The following PIK3R6 variants were observed in gnomAD, a reference collection of about 807,000 sequenced individuals.
PIK3R6 encodes phosphoinositide-3-kinase regulatory subunit 6.
In PIK3R6, 91 loss-of-function variants were observed where a neutral mutation model predicts 84.9. The observed-to-expected ratio is 1.07, with a 90% CI of 0.90 to 1.28. The LOEUF (loss-of-function observed/expected upper bound fraction) is 1.28. PIK3R6 is among the 50% of genes most tolerant of loss of function. The pLI is 0.00. For synonymous variants in PIK3R6, 416 were observed against 411.4 expected (o/e 1.01, Z -0.13); for missense variants, 996 against 985.1 (o/e 1.01, Z -0.15).
intron 1 of PIK3R6, among the ~76,000 whole-genome samples, chr17:8,860,466 A>G (rs998311218): frequency 3.8e-4 from 1 of 2,632 alleles, no homozygotes; most frequent in African/African-American, 2.1e-3. Context: ...CCCCTTCCCC[A>G]CCCAGTAAAC....
In PIK3R6 at chr17:8,829,815, G is replaced by T. The variant is rs1431344397; in HGVS notation, c.803-23C>A. 4 of 1,540,598 alleles carry T rather than the reference G, an allele frequency of 2.6e-6. No homozygotes were observed. In the African/African-American group the frequency reaches 5.5e-5, roughly 21 times the overall value. On this transcript the variant is annotated intron_variant, in intron 9 of 19. Transcript: ENST00000619866. ...CACCTGCAGAAAGGAGCAGGCTGTG[G>T]AGGCCATGGAGGAGGCCATGGGACC...
At chr17:8,860,573 A>G (rs2089256433) in intron 1 of PIK3R6, among the ~76,000 whole-genome samples, 1 of 151,810 alleles carries the variant, frequency 6.6e-6, no homozygotes, top group Non-Finnish European at 1.5e-5. Context: ...CTGGCCCATC[A>G]GTTTCCTTCC....
chr17:8,837,238 G>A (rs779120644), intron 5 of PIK3R6, among the ~76,000 whole-genome samples: 8 of 152,198 alleles, frequency 5.3e-5, no homozygotes, highest in South Asian at 2.1e-4. Context: ...ACATTCCTGC[G>A]GTTCTCCAGG....
chr17:8,821,693 A>G (rs2087737578), intron 17 of PIK3R6, among the ~76,000 whole-genome samples, 153 bp downstream of exon 17: 1 of 152,192 alleles, frequency 6.6e-6, no homozygotes, highest in Non-Finnish European at 1.5e-5. Flanking sequence ...GTGACCCGAC[A>G]GCAAGCAACT....
intron 8 of PIK3R6, among the ~76,000 whole-genome samples, chr17:8,833,813 TA>T (rs1418843956): frequency 6.6e-6 from 1 of 151,934 alleles, no homozygotes; most frequent in Non-Finnish European, 1.5e-5. Context: ...GTGTTGGGAT[TA>T]CAGGCGTGAA....
At chr17:8,856,051 A>T (rs2089132052) in intron 1 of PIK3R6, among the ~76,000 whole-genome samples, 1 of 152,248 alleles carries the variant, frequency 6.6e-6, no homozygotes, top group African/African-American at 2.4e-5. Flanking sequence ...TGCTGAGTAA[A>T]GGCAGCCAGG....
At position 8,803,081 on chromosome 17, in the gene PIK3R6, C is replaced by T. The variant is rs544564051; in HGVS notation, c.*192G>A. The T allele has an allele frequency of 1.9e-4, 122 of 629,964 alleles. No individual in the cohort carries two copies. The highest frequency in any genetic ancestry group is 8.9e-4 in the Middle Eastern group (2 of 2,256). 39.0% of individuals were successfully genotyped at this position (629,964 alleles called of 1,614,324 possible). A position where few individuals can be genotyped will look rare whatever the true frequency, so the allele number is the denominator to read the frequency against. Reference sequence around the variant, plus strand: ...CAGCGACAGCATTGCCTGGGCCATCCGTAGACCTCCATGTGGGCCCTTCCT... The same window carrying T: ...CAGCGACAGCATTGCCTGGGCCATCTGTAGACCTCCATGTGGGCCCTTCCT... On this transcript the variant is annotated 3_prime_UTR_variant, in exon 20 of 20. Transcript: ENST00000619866. The surrounding 1 kb of genome is among the most constrained non-coding windows in gnomAD (Gnocchi z 5.0).
At chr17:8,828,541 C>T (rs761856728) in intron 11 of PIK3R6, 26 bp downstream of exon 11, 50 of 1,606,126 alleles carry the variant, frequency 3.1e-5, no homozygotes, top group Non-Finnish European at 4.1e-5. Context: ...CAGCGCCCAC[C>T]CCCAGCCCCC....
At chr17:8,832,456 C>T (rs1450332618) in intron 9 of PIK3R6, among the ~76,000 whole-genome samples, 1 of 130,396 alleles carries the variant, frequency 7.7e-6, no homozygotes, top group African/African-American at 2.9e-5. Flanking sequence ...GATCTCGGCT[C>T]ACTGCAACCT....
intron 18 of PIK3R6, among the ~76,000 whole-genome samples, chr17:8,813,409 G>T (rs1434766080): frequency 1.3e-5 from 2 of 152,118 alleles, no homozygotes; most frequent in Non-Finnish European, 2.9e-5. Context: ...TATGAAGCCA[G>T]GGTCAGTCAC....
chr17:8,864,335 G>A (rs1167881306), intron 1 of PIK3R6, among the ~76,000 whole-genome samples: 2 of 152,072 alleles, frequency 1.3e-5, no homozygotes, highest in East Asian at 1.9e-4. Flanking sequence ...CTAGGACTTA[G>A]GGGAAAGGGG....
chr17:8,829,581 C>G (rs2088148401), intron 10 of PIK3R6, 125 bp downstream of exon 10: 1 of 1,003,352 alleles, frequency 1.0e-6, no homozygotes, highest in Non-Finnish European at 1.5e-6. Context: ...CACACAGACA[C>G]ACTGACACAC....
intron 1 of PIK3R6, among the ~76,000 whole-genome samples, chr17:8,851,684 G>A (rs2088975074): frequency 6.6e-6 from 1 of 152,148 alleles, no homozygotes; most frequent in Non-Finnish European, 1.5e-5. Context: ...TGGCATCGCC[G>A]CTGTGGAAAA....
rs570197894 is a variant in PIK3R6 at position 8,849,472 on chromosome 17, C to T, written c.13+310G>A. 1.4e-3 allele frequency among the ~76,000 whole-genome samples: 216 copies of T among 152,354 alleles called. 1 individual carries two copies. Among genetic ancestry groups the T allele is most frequent in the African/African-American group, 4.8e-3 (198 of 41,582 alleles). On this transcript the variant is annotated intron_variant, in intron 2 of 19. Transcript: ENST00000619866. ...TTTGTCAAGTGCTTTTATCCCTCCT[C>T]AATCCATTGTAAGTGCTATATAGGT...
At chr17:8,864,675 C>T (rs2089365628) in intron 1 of PIK3R6, among the ~76,000 whole-genome samples, 1 of 151,504 alleles carries the variant, frequency 6.6e-6, no homozygotes, top group Non-Finnish European at 1.5e-5. Context: ...GTACCTGGGA[C>T]CACAGGCGCC....
At chr17:8,807,681 A>G (rs905291290) in intron 18 of PIK3R6, among the ~76,000 whole-genome samples, 9 of 152,302 alleles carry the variant, frequency 5.9e-5, no homozygotes, top group Admixed American at 3.3e-4. Flanking sequence ...CTTCAGGAAC[A>G]CTTCCCAACA....
In PIK3R6 at chr17:8,803,132, C is replaced by T. The variant is rs1196894941; in HGVS notation, c.*141G>A. 2.2e-5 allele frequency: 24 copies of T among 1,098,966 alleles called. No individual in the cohort carries two copies. Among genetic ancestry groups the T allele is most frequent in the Non-Finnish European group, 3.1e-5 (24 of 765,284 alleles). The allele number at this position is 1,098,966 out of a possible 1,614,324, so 68.1% of individuals were successfully genotyped here. A position where few individuals can be genotyped will look rare whatever the true frequency, so the allele number is the denominator to read the frequency against. On this transcript the variant is annotated 3_prime_UTR_variant, in exon 20 of 20. Coordinates refer to ENST00000619866, the MANE Select transcript of PIK3R6 (RefSeq NM_001010855.4). The surrounding 1 kb of genome is among the most constrained non-coding windows in gnomAD (Gnocchi z 5.0). The stretch of plus-strand genomic sequence containing the variant: ...CATCACAGTCCCCAGGGTAGGCTCC[C>T]TGTGCTCCCAGGCACTCGCTGGCTC...
chr17:8,827,763 GGAGAGAGAGAGAGAGAGAGAGAGA>G (rs199969342), intron 12 of PIK3R6, among the ~76,000 whole-genome samples: 79 of 34,838 alleles, frequency 2.3e-3, no homozygotes, highest in African/African-American at 6.2e-3. Context: ...GAGAGAGAGA[GGAGAGAGAGAGAGAGAGAGAGAGA>G]GAGAGAGAGA....
chr17:8,852,752 A>AAG (rs1289335487), intron 1 of PIK3R6, among the ~76,000 whole-genome samples: 5 of 151,640 alleles, frequency 3.3e-5, no homozygotes, highest in Non-Finnish European at 4.4e-5. Context: ...AAAAAAAAAA[A>AAG]AGAGAGAGAG....
Sources: gnomAD v4.1 joint callset for allele counts (sites outside exome capture counted in the v4.1 genomes callset) on GRCh38, gnomAD v4.1.1 for gene constraint, Gnocchi (gnomAD v3.1) non-coding constraint, MANE v1.5 for transcripts, NCBI Gene and HGNC (gene_info 2026-07-23, HGNC 2026-07-21) for gene names.